The following FCRLB variants were observed in gnomAD, a reference collection of about 807,000 sequenced individuals.
The protein encoded by FCRLB is Fc receptor-like B.
Under a neutral mutation model 33.6 loss-of-function variants are expected in FCRLB, and 34 were observed. The observed-to-expected ratio is 1.01, with a 90% CI of 0.77 to 1.35. The LOEUF is 1.35. Ranked by LOEUF, FCRLB falls within the 40% of genes most tolerant of loss-of-function variation. The probability of loss-of-function intolerance (pLI) is 0.00; values close to 1 mark genes in which losing one functional copy is unlikely to be tolerated. For missense variants in FCRLB, 560 were observed against 580.2 expected, an observed-to-expected ratio of 0.97 and a Z score of 0.36; for synonymous variants, 280 against 255.9, an observed-to-expected ratio of 1.09 and a Z score of -0.90.
rs1379595685 is a variant in FCRLB, at chr1:161,727,189, G to T, written c.866-58G>T. On this transcript the variant is annotated intron_variant, in intron 7 of 7. Coordinates refer to ENST00000367948, the Ensembl canonical transcript of FCRLB. ...CCCACCGCCCTACGCCCCTCCCCCA[G>T]CCCAGCGCCGAGAAGAACCATGCAA... is the stretch of plus-strand genomic sequence containing the variant. 27 of 1,197,256 alleles carry T rather than the reference G, an allele frequency of 2.3e-5. No individual in the cohort carries two copies. The Admixed American group carries it at 5.8e-4, about 26-fold the overall frequency. 74.2% of individuals were successfully genotyped at this position (1,197,256 alleles called of 1,614,324 possible). A position where few individuals can be genotyped will look rare whatever the true frequency, so the allele number is the denominator to read the frequency against.
exon 6 of FCRLB, chr1:161,725,879 G>A: frequency 6.2e-7 from 1 of 1,614,182 alleles, no homozygotes; most frequent in South Asian, 1.1e-5. Flanking sequence ...CGCTAGTCCT[G>A]CGCTGCCGCG....
chr1:161,727,603 C>T, exon 8 of FCRLB: 4 of 1,613,970 alleles, frequency 2.5e-6, no homozygotes, highest in Non-Finnish European at 3.4e-6. Flanking sequence ...GCCCGAGACC[C>T]CCACCTCTCA....
At chr1:161,723,060 C>T in intron 4 of FCRLB, 51 bp downstream of exon 4, 1 of 1,607,836 alleles carries the variant, frequency 6.2e-7, no homozygotes, top group East Asian at 2.2e-5. Flanking sequence ...CCACTCCAAC[C>T]CCCTAAGTGA....
chr1:161,725,343 C>T (rs887761353), intron 5 of FCRLB, among the ~76,000 whole-genome samples: 14 of 152,238 alleles, frequency 9.2e-5, no homozygotes, highest in Non-Finnish European at 1.9e-4. Flanking sequence ...CCTGTCCGCT[C>T]AAGAAAGCAG....
At position 161,726,047 on chromosome 1, in the gene FCRLB, C is replaced by G; in HGVS notation, c.534C>G (p.Ser178Arg). The G allele has an allele frequency of 1.2e-6, 2 of 1,612,948 alleles. No homozygotes were observed. The highest frequency in any genetic ancestry group is 1.7e-6 in the Non-Finnish European group (2 of 1,179,276). ...GCACCATGCGCATCCCGGTGGAGAG[C>G]GCGCCCATGTTCTCCGCTAAGGTGG... is the stretch of plus-strand genomic sequence containing the variant. Residue 178 changes from serine (S) to arginine (R), a missense_variant, in exon 6 of 8, where the codon AGC (serine) becomes AGG (arginine). By Grantham distance (110) the Ser-to-Arg change is moderately radical. Transcript: ENST00000367948. This position sits in a 1 kb window ranked among gnomAD's most constrained non-coding sequence, Gnocchi z 5.2.
In FCRLB at chr1:161,726,630, G is replaced by C. The variant is rs1243553254; in HGVS notation, c.575-73G>C. The stretch of plus-strand genomic sequence containing the variant: ...GTCTGTGGGTCTGCAAGGAGCCCTC[G>C]CGGGAAGCAGGAAGGAGCGGGGTCG... On this transcript the variant is annotated intron_variant, in intron 6 of 7. Coordinates refer to ENST00000367948, the Ensembl canonical transcript of FCRLB. The surrounding 1 kb of genome is among the most constrained non-coding windows in gnomAD (Gnocchi z 5.2). 1.3e-6 allele frequency: 2 copies of C among 1,538,950 alleles called. No individual in the cohort carries two copies.
intron 7 of FCRLB, 23 bp downstream of exon 7, chr1:161,727,016 G>A (rs778335141): frequency 5.4e-6 from 8 of 1,481,204 alleles, no homozygotes; most frequent in Non-Finnish European, 7.2e-6. Flanking sequence ...ACACCCTCCC[G>A]GACGCCGACC....
exon 8 of FCRLB, chr1:161,727,560 G>A: frequency 6.2e-7 from 1 of 1,614,190 alleles, no homozygotes; most frequent in Non-Finnish European, 8.5e-7. Context: ...TGGAATTAAA[G>A]GAGCCACAGG....
At chr1:161,724,890 T>C (rs1683488855) in intron 5 of FCRLB, among the ~76,000 whole-genome samples, 1 of 152,104 alleles carries the variant, frequency 6.6e-6, no homozygotes, top group Admixed American at 6.5e-5. Context: ...GTCAGGGATG[T>C]TTTCTGGAGG....
chr1:161,723,084 ACT>A (rs1683426055), intron 4 of FCRLB, 75 bp downstream of exon 4: 4 of 1,548,952 alleles, frequency 2.6e-6, no homozygotes, highest in Non-Finnish European at 3.6e-6. Flanking sequence ...TTTCAAGTAG[ACT>A]CCTCACTTCT....
Position 161,725,822 on chromosome 1 carries a change from T to C in FCRLB, c.309T>C (p.Asp103=), listed in dbSNP as rs373956497. 47 of 1,603,112 alleles carry C rather than the reference T, an allele frequency of 2.9e-5. No individual in the cohort carries two copies. In the Middle Eastern group the frequency reaches 6.8e-4, roughly 23 times the overall value. The change falls in exon 6 of 8, where the codon GAT becomes GAC. Residue 103 remains aspartate, a splice_region_variant and synonymous_variant. Transcript: ENST00000367948. ...GCGTGTCTGTGGTGTCTGTCGCAGATTGGCTGATTCTGCAAGTGCCCTATG... is the reference window on the plus strand; with the variant it reads ...GCGTGTCTGTGGTGTCTGTCGCAGACTGGCTGATTCTGCAAGTGCCCTATG...
At chr1:161,723,739 G>A (rs1683452008) in intron 5 of FCRLB, 118 bp downstream of exon 5, 2 of 1,444,370 alleles carry the variant, frequency 1.4e-6, no homozygotes, top group Non-Finnish European at 9.3e-7. Flanking sequence ...GCCACACTGG[G>A]GCCTATCTTA....
In FCRLB at chr1:161,723,745, T is replaced by C. The variant is rs1227146902; in HGVS notation, c.307+124T>C. 5 of 1,400,712 alleles carry C rather than the reference T, an allele frequency of 3.6e-6. No homozygotes were observed. The Admixed American group carries it at 1.2e-4, about 34-fold the overall frequency. The allele number at this position is 1,400,712 out of a possible 1,614,324, so 86.8% of individuals were successfully genotyped here. ...GAAACAAGGGCCACACTGGGGCCTA[T>C]CTTAAGTCTCTGGAGCAGGTAGGGA... On this transcript the variant is annotated intron_variant, in intron 5 of 7. Coordinates refer to ENST00000367948, the Ensembl canonical transcript of FCRLB.
chr1:161,727,117 C>T, intron 7 of FCRLB, 124 bp downstream of exon 7: 3 of 1,344,410 alleles, frequency 2.2e-6, no homozygotes, highest in Non-Finnish European at 2.9e-6. Context: ...CCCATCTCCC[C>T]TTCGCCGCCC....
intron 7 of FCRLB, 23 bp from the exon 8 acceptor site, chr1:161,727,224 G>C: frequency 6.4e-7 from 1 of 1,563,774 alleles, no homozygotes; most frequent in Non-Finnish European, 8.7e-7. Flanking sequence ...AGCCGCGCGT[G>C]ACTGGGCGTA....
chr1:161,724,416 A>C (rs191117390), intron 5 of FCRLB, among the ~76,000 whole-genome samples: 1 of 126,748 alleles, frequency 7.9e-6, no homozygotes, highest in Admixed American at 8.6e-5. Context: ...ATGGTGAAAC[A>C]CTCTCTACTA....
intron 3 of FCRLB, 72 bp from the exon 4 acceptor site, chr1:161,722,917 C>T (rs1360049215): frequency 8.8e-6 from 14 of 1,598,414 alleles, no homozygotes; most frequent in South Asian, 3.3e-5. Flanking sequence ...CCTTTCTTGT[C>T]GTCAAGAGTC....
chr1:161,725,860 AG>A lies in FCRLB; in HGVS notation c.350del (p.Gly117ValfsTer4). 1 of 1,613,902 alleles carries A rather than the reference AG, an allele frequency of 6.2e-7. No individual in the cohort carries two copies. The highest frequency in any genetic ancestry group is 2.2e-5 in the East Asian group (1 of 44,874). On this transcript the variant is annotated frameshift_variant, in exon 6 of 8. Transcript: ENST00000367948. LOFTEE classifies it high-confidence loss of function. ...CAAGTGCCCTATGCGCCAGTGTTCG[AG>A]GGTGAGCCGCTAGTCCTGCGCTGCC...
At chr1:161,727,161 C>T (rs1408092123) in intron 7 of FCRLB, 86 bp from the exon 8 acceptor site, 9 of 1,417,260 alleles carry the variant, frequency 6.4e-6, no homozygotes, top group Non-Finnish European at 8.4e-6. Context: ...TTCCCCATCC[C>T]CGCCCACCGC....
Sources: gnomAD v4.1 joint callset for allele counts (sites outside exome capture counted in the v4.1 genomes callset) on GRCh38, gnomAD v4.1.1 for gene constraint, Gnocchi (gnomAD v3.1) non-coding constraint, MANE v1.5 for transcripts, NCBI Gene and HGNC (gene_info 2026-07-23, HGNC 2026-07-21) for gene names.